Variants in LAMA4 observed in about 807,000 individuals in gnomAD.
LAMA4 encodes the protein laminin subunit alpha-4.
LAMA4 carries 127 observed loss-of-function variants against 207.1 expected under a neutral mutation model. That is an observed-to-expected ratio of 0.61 (90% CI 0.53 to 0.71). LAMA4 has a LOEUF of 0.71. Ranked by LOEUF, LAMA4 falls within the 30% of genes least tolerant of loss-of-function variation. The probability of loss-of-function intolerance (pLI) is 0.00; values close to 1 mark genes in which losing one functional copy is unlikely to be tolerated. For missense variants in LAMA4, 2,093 were observed against 2,246.5 expected, an observed-to-expected ratio of 0.93 and a Z score of 1.38; for synonymous variants, 761 against 816.0, an observed-to-expected ratio of 0.93 and a Z score of 1.15.
At position 112,139,235 on chromosome 6, in the gene LAMA4, C is replaced by A; in HGVS notation, c.3167G>T (p.Gly1056Val). The change falls in exon 24 of 39, where the codon GGT becomes GTT. Residue 1056 changes from glycine (G) to valine (V), a missense_variant. Physicochemically the swap from Gly to Val is moderately radical, Grantham distance 109. Transcript: ENST00000230538. ...TGTGATGTCTCTCACCACGGCATAA[C>A]CGGAGCCATCGAAGAAGTAACTGGC... Reference protein sequence around the residue: ...RAASYFFDGSGYAVVRDITRR... With the variant: ...RAASYFFDGSVYAVVRDITRR... 1 of 1,614,190 alleles carries A rather than the reference C, an allele frequency of 6.2e-7. No homozygotes were observed. The highest frequency in any genetic ancestry group is 8.5e-7 in the Non-Finnish European group (1 of 1,180,012).
chr6:112,183,963 A>AAG (rs1554345911), intron 9 of LAMA4, among the ~76,000 whole-genome samples: 2 of 151,662 alleles, frequency 1.3e-5, no homozygotes, highest in South Asian at 2.1e-4. Flanking sequence ...AAAAAAAAAA[A>AAG]AAAAAAGAAA....
chr6:112,139,410 T>G, intron 23 of LAMA4, 119 bp from the exon 24 acceptor site: 4 of 1,065,408 alleles, frequency 3.8e-6, no homozygotes, highest in Non-Finnish European at 5.8e-6. Context: ...TTAAATGAAG[T>G]CCTGTTGTCT....
chr6:112,128,143 TA>T (rs558632864), intron 31 of LAMA4, among the ~76,000 whole-genome samples: 191 of 152,276 alleles, frequency 1.3e-3, no homozygotes, highest in African/African-American at 4.5e-3. Context: ...ACTAGAGAAT[TA>T]TAGTACTAAA....
intron 38 of LAMA4, among the ~76,000 whole-genome samples, chr6:112,112,558 C>G (rs933509478): frequency 6.6e-5 from 10 of 152,178 alleles, no homozygotes; most frequent in African/African-American, 2.4e-4. Flanking sequence ...TCATGCTGCA[C>G]CTGCATGAAG....
intron 2 of LAMA4, among the ~76,000 whole-genome samples, chr6:112,247,932 T>C (rs1316830444): frequency 6.6e-6 from 1 of 152,194 alleles, no homozygotes; most frequent in African/African-American, 2.4e-5. Context: ...TGACACATGC[T>C]ACAACATGGG....
intron 9 of LAMA4, among the ~76,000 whole-genome samples, chr6:112,184,850 A>G (rs1412370562): frequency 2.0e-5 from 3 of 152,092 alleles, no homozygotes; most frequent in African/African-American, 7.2e-5. Flanking sequence ...CATTTAATGT[A>G]TACTTTAACC....
chr6:112,239,204 C>T (rs1554367179), intron 2 of LAMA4, among the ~76,000 whole-genome samples: 1 of 151,520 alleles, frequency 6.6e-6, no homozygotes, highest in Non-Finnish European at 1.5e-5. Flanking sequence ...ACCTGTAGTC[C>T]CAGCTACTTG....
intron 2 of LAMA4, among the ~76,000 whole-genome samples, chr6:112,251,896 C>T (rs1164768796): frequency 1.3e-5 from 2 of 152,180 alleles, no homozygotes; most frequent in African/African-American, 4.8e-5. Flanking sequence ...ACCTATTAGA[C>T]TCTGACATTA....
chr6:112,130,195 T>G (rs565239595), intron 29 of LAMA4, 155 bp from the exon 30 acceptor site: 4 of 657,324 alleles, frequency 6.1e-6, no homozygotes, highest in Non-Finnish European at 1.1e-5. Flanking sequence ...AGGCCCAGGA[T>G]AAAATGGTTG....
intron 2 of LAMA4, among the ~76,000 whole-genome samples, chr6:112,245,776 T>C (rs782272907): frequency 2.0e-5 from 3 of 152,134 alleles, no homozygotes; most frequent in Non-Finnish European, 4.4e-5. Context: ...TAAACACGGA[T>C]CTCTAGCCTC....
intron 2 of LAMA4, among the ~76,000 whole-genome samples, chr6:112,232,405 T>A (rs1473133345): frequency 1.3e-5 from 2 of 152,226 alleles, no homozygotes; most frequent in Middle Eastern, 6.3e-3. Flanking sequence ...CTTTTCATGT[T>A]ATTTAAGGGT....
chr6:112,128,722 T>TA (rs1778847415), intron 31 of LAMA4, among the ~76,000 whole-genome samples, 200 bp downstream of exon 31: 1 of 152,218 alleles, frequency 6.6e-6, no homozygotes, highest in Non-Finnish European at 1.5e-5. Flanking sequence ...TACATTTCAA[T>TA]AAAAAATAAA....
intron 5 of LAMA4, among the ~76,000 whole-genome samples, chr6:112,193,099 A>G (rs1468105202): frequency 1.3e-5 from 2 of 152,208 alleles, no homozygotes; most frequent in Non-Finnish European, 2.9e-5. Context: ...AGCTGCAGAC[A>G]CTTTGAGAGT....
chr6:112,139,188 C>T lies in LAMA4; in HGVS notation c.3214G>A (p.Val1072Met). Residue 1072 changes from valine (V) to methionine (M), a missense_variant, in exon 24 of 39, where the codon GTG becomes ATG. This residue lies in a region of LAMA4 where 1,704 missense variants were observed against 1,788.4 expected (regional missense o/e 0.95). Transcript: ENST00000230538. Reference protein sequence around the residue: ...DITRRGKFGQVTRFDIEVRTP... With the variant: ...DITRRGKFGQMTRFDIEVRTP... ...CGAACTTCTATGTCAAAGCGAGTCA[C>T]CTGACCAAATTTCCCTCTCCTTGTG... 1.2e-6 allele frequency: 2 copies of T among 1,614,212 alleles called. No individual in the cohort carries two copies. Among genetic ancestry groups the T allele is most frequent in the Non-Finnish European group, 1.7e-6 (2 of 1,180,026 alleles).
At chr6:112,168,059 G>A (rs1482773372) in intron 12 of LAMA4, among the ~76,000 whole-genome samples, 3 of 152,046 alleles carry the variant, frequency 2.0e-5, no homozygotes, top group East Asian at 2.0e-4. Flanking sequence ...TTAGCCGGGC[G>A]TGGTGGCGGG....
intron 27 of LAMA4, 119 bp from the exon 28 acceptor site, chr6:112,133,009 C>T (rs1779130342): frequency 1.9e-6 from 2 of 1,071,478 alleles, no homozygotes; most frequent in Middle Eastern, 2.1e-4. Flanking sequence ...TTTATTTTCC[C>T]ACTTCTGGTC....
At chr6:112,222,215 T>C (rs1386408228) in intron 2 of LAMA4, among the ~76,000 whole-genome samples, 1 of 152,236 alleles carries the variant, frequency 6.6e-6, no homozygotes, top group African/African-American at 2.4e-5. Context: ...GTTTGCATAA[T>C]TGAAATTCCC....
At chr6:112,148,052 G>T in intron 18 of LAMA4, 105 bp downstream of exon 18, 6 of 1,114,110 alleles carry the variant, frequency 5.4e-6, no homozygotes, top group Non-Finnish European at 6.7e-6. Context: ...TATAATTTTC[G>T]AATCCAAAAC....
chr6:112,190,940 TTTCTTTCCTTTCTTTC>T (rs1227043363), intron 6 of LAMA4, among the ~76,000 whole-genome samples: 846 of 51,490 alleles, frequency 0.016, 12 homozygotes, highest in South Asian at 0.027. Context: ...TCTTTCTTTC[TTTCTTTCCTTTCTTTC>T]TTTCTTTCTT....
Sources: allele counts gnomAD v4.1 joint callset (sites outside exome capture counted in the v4.1 genomes callset), GRCh38; gene constraint gnomAD v4.1.1; regional missense constraint gnomAD v4.1.1; transcripts MANE v1.5; gene names NCBI Gene and HGNC (gene_info 2026-07-23, HGNC 2026-07-21).